Variants in PLEKHA7 observed in about 807,000 individuals in gnomAD.
The protein encoded by PLEKHA7 is pleckstrin homology domain-containing family A member 7.
PLEKHA7 carries 104 observed loss-of-function variants against 170.0 expected under a neutral mutation model. The observed-to-expected ratio is 0.61, with a 90% CI of 0.52 to 0.72. The LOEUF is 0.72. Ranked by LOEUF, PLEKHA7 falls within the 30% of genes least tolerant of loss-of-function variation. The probability of loss-of-function intolerance (pLI) is 0.00; values close to 1 mark genes in which losing one functional copy is unlikely to be tolerated. For synonymous variants in PLEKHA7, 648 were observed against 660.8 expected, an observed-to-expected ratio of 0.98 and a Z score of 0.30; for missense variants, 1,615 against 1,671.7, an observed-to-expected ratio of 0.97 and a Z score of 0.59.
At chr11:16,925,992 A>G (rs912348187) in intron 3 of PLEKHA7, among the ~76,000 whole-genome samples, 1 of 152,256 alleles carries the variant, frequency 6.6e-6, no homozygotes, top group Non-Finnish European at 1.5e-5. Context: ...AGACACCAGC[A>G]GACCTGTCAT....
chr11:16,864,318 C>T (rs1854209757), intron 4 of PLEKHA7, among the ~76,000 whole-genome samples: 1 of 151,910 alleles, frequency 6.6e-6, no homozygotes, highest in Non-Finnish European at 1.5e-5. Context: ...AAAGTACCTG[C>T]TAATAGTAAG....
chr11:17,006,142 G>C (rs1274262460), intron 3 of PLEKHA7, among the ~76,000 whole-genome samples: 1 of 151,904 alleles, frequency 6.6e-6, no homozygotes, highest in Admixed American at 6.6e-5. Flanking sequence ...AAGCCAAGGC[G>C]GGTGGACAGC....
chr11:16,820,813 C>A (rs1025664072), intron 10 of PLEKHA7, among the ~76,000 whole-genome samples: 1 of 152,154 alleles, frequency 6.6e-6, no homozygotes, highest in Non-Finnish European at 1.5e-5. Context: ...CTAACCTGTA[C>A]CCTCCATTTA....
intron 3 of PLEKHA7, among the ~76,000 whole-genome samples, chr11:16,932,435 C>A (rs189014716): frequency 9.7e-4 from 147 of 152,192 alleles, no homozygotes; most frequent in African/African-American, 3.4e-3. Context: ...GTGCACACCA[C>A]CTCACCTGGC....
chr11:16,792,547 A>G (rs61881984), intron 19 of PLEKHA7, among the ~76,000 whole-genome samples: 4 of 148,070 alleles, frequency 2.7e-5, no homozygotes, highest in Non-Finnish European at 6.0e-5. Flanking sequence ...AAAAAAAAAA[A>G]GGCAAGGGGA....
chr11:16,779,661 T>C (rs1261079677), intron 26 of PLEKHA7, among the ~76,000 whole-genome samples: 1 of 152,222 alleles, frequency 6.6e-6, no homozygotes, highest in Non-Finnish European at 1.5e-5. Context: ...CCAAGGAGGC[T>C]GACCTCTTCC....
At chr11:16,894,478 T>C (rs1856872652) in intron 3 of PLEKHA7, among the ~76,000 whole-genome samples, 1 of 152,236 alleles carries the variant, frequency 6.6e-6, no homozygotes, top group South Asian at 2.1e-4. Context: ...TCTTTCTTTT[T>C]CTTTTTGGTT....
intron 3 of PLEKHA7, among the ~76,000 whole-genome samples, chr11:16,893,363 G>A (rs61882037): frequency 0.11 from 16,613 of 152,200 alleles, 1,115 homozygotes; most frequent in East Asian, 0.16. Flanking sequence ...GGAAGGAAAC[G>A]GGTGGCTTTC....
intron 4 of PLEKHA7, among the ~76,000 whole-genome samples, chr11:16,863,933 T>C (rs1453611099): frequency 6.6e-6 from 1 of 152,188 alleles, no homozygotes; most frequent in Non-Finnish European, 1.5e-5. Flanking sequence ...TTTGAGAACA[T>C]TTTCTGGAGA....
chr11:16,946,379 G>A (rs980362480), intron 3 of PLEKHA7, among the ~76,000 whole-genome samples: 9 of 152,140 alleles, frequency 5.9e-5, no homozygotes, highest in Admixed American at 2.6e-4. Context: ...CCGAACGAAC[G>A]TGTGAAACCC....
At chr11:16,993,749 C>T (rs1048063579) in intron 3 of PLEKHA7, among the ~76,000 whole-genome samples, 2 of 152,136 alleles carry the variant, frequency 1.3e-5, no homozygotes, top group Non-Finnish European at 1.5e-5. Context: ...CTTTGGCAAG[C>T]CCTGTATATA....
chr11:17,012,398 T>C (rs1865371290), intron 3 of PLEKHA7, among the ~76,000 whole-genome samples: 2 of 152,204 alleles, frequency 1.3e-5, no homozygotes, highest in African/African-American at 2.4e-5. Context: ...TTGCCCTGGC[T>C]GTTCGCTCTT....
chr11:16,931,762 C>G (rs1164964396), intron 3 of PLEKHA7, among the ~76,000 whole-genome samples: 15 of 146,434 alleles, frequency 1.0e-4, no homozygotes, highest in East Asian at 3.9e-4. Flanking sequence ...CCATCCCCCC[C>G]CCCCCAAAAA....
At chr11:16,786,174 TG>T in intron 24 of PLEKHA7, 54 bp downstream of exon 24, 1 of 1,525,754 alleles carries the variant, frequency 6.6e-7, no homozygotes, top group Middle Eastern at 1.7e-4. Flanking sequence ...TGGATCAGGC[TG>T]GGAACTTGAA....
In PLEKHA7 at chr11:16,988,653, G is replaced by T. The variant is rs181681109; in HGVS notation, c.221+25336C>A. On this transcript the variant is annotated intron_variant, in intron 3 of 26. Coordinates refer to ENST00000531066, the MANE Select transcript of PLEKHA7 (RefSeq NM_001329630.2). The stretch of plus-strand genomic sequence containing the variant: ...AGTAGAGACAAGGTTTCACCATGTT[G>T]GCCAGGCTGGTCGAACTCCTGACCT... Among the ~76,000 whole-genome samples, 11 of 126,566 alleles carry T rather than the reference G, an allele frequency of 8.7e-5. 1 individual carries two copies. The East Asian group carries it at 3.2e-3, about 36-fold the overall frequency. 83.0% of individuals were successfully genotyped at this position (126,566 alleles called of 152,430 possible). A position where few individuals can be genotyped will look rare whatever the true frequency, so the allele number is the denominator to read the frequency against.
chr11:16,811,681 G>A (rs1849383740), intron 13 of PLEKHA7, among the ~76,000 whole-genome samples: 1 of 152,226 alleles, frequency 6.6e-6, no homozygotes, highest in African/African-American at 2.4e-5. Context: ...ACTGTCAAGT[G>A]AGTTAGACAG....
At chr11:16,923,646 A>G (rs1206646789) in intron 3 of PLEKHA7, among the ~76,000 whole-genome samples, 2 of 152,112 alleles carry the variant, frequency 1.3e-5, no homozygotes, top group Admixed American at 6.6e-5. Flanking sequence ...GGAGCACAGC[A>G]GCCTGTCTGG....
At position 16,830,055 on chromosome 11, in the gene PLEKHA7, C is replaced by T. The variant is rs138075053; in HGVS notation, c.873-3465G>A. Among the ~76,000 whole-genome samples the T allele has an allele frequency of 9.1e-4, 139 of 152,158 alleles. 2 individuals are homozygous for T. Among genetic ancestry groups the T allele is most frequent in the Admixed American group, 3.1e-3 (48 of 15,282 alleles). On this transcript the variant is annotated intron_variant, in intron 9 of 26. Transcript: ENST00000531066. ...ATGCACTAGCGTGAACAGAGCTCAC[C>T]GCAGCCTCAACCTCCTGGGATCAAG...
intron 13 of PLEKHA7, among the ~76,000 whole-genome samples, chr11:16,804,896 G>GC (rs1564932671): frequency 6.6e-6 from 1 of 152,124 alleles, no homozygotes; most frequent in Non-Finnish European, 1.5e-5. Context: ...ATGCGGGGGG[G>GC]GCGGTGCAGG....
Sources: gnomAD v4.1 joint callset for allele counts (sites outside exome capture counted in the v4.1 genomes callset) on GRCh38, gnomAD v4.1.1 for gene constraint, MANE v1.5 for transcripts, NCBI Gene and HGNC (gene_info 2026-07-23, HGNC 2026-07-21) for gene names.